Variants in HDAC7 observed in about 807,000 individuals in gnomAD.
The protein encoded by HDAC7 is histone deacetylase 7.
In HDAC7, 26 loss-of-function variants were observed where a neutral mutation model predicts 115.5. The ratio of observed to expected loss-of-function variants is 0.23; its 90% CI spans 0.16 to 0.31. The LOEUF is 0.31. Among genes scored for constraint, HDAC7 ranks in the 10% least tolerant of loss-of-function variants. The pLI is 1.00. For synonymous variants in HDAC7, 564 were observed against 550.9 expected (o/e 1.02, Z -0.33); for missense variants, 1,068 against 1,329.0 (o/e 0.80, Z 3.05).
At position 47,798,918 on chromosome 12, in the gene HDAC7, A is replaced by G; in HGVS notation, c.125T>C (p.Leu42Pro). 1 of 1,533,054 alleles carries G rather than the reference A, an allele frequency of 6.5e-7. No individual in the cohort carries two copies. The allele number at this position is 1,533,054 out of a possible 1,614,324, so 95.0% of individuals were successfully genotyped here. A position where few individuals can be genotyped will look rare whatever the true frequency, so the allele number is the denominator to read the frequency against. The change falls in exon 3 of 26, where the codon CTG (leucine) becomes CCG (proline). Residue 42 changes from leucine (L) to proline (P), a missense_variant. Transcript: ENST00000080059. This position sits in a 1 kb window ranked among gnomAD's most constrained non-coding sequence, Gnocchi z 4.3. ...TPGPQPQPMD[L>P]RVGQRPPVEP... is the part of the protein sequence containing the mutation. ...CACTGGGGGCCGCTGGCCCACCCGC[A>G]GGTCCATGGGCTGCGGCTGAGGGCC...
intron 21 of HDAC7, 142 bp from the exon 22 acceptor site, chr12:47,786,845 C>A (rs1592629596): frequency 1.5e-6 from 1 of 655,504 alleles, no homozygotes; most frequent in East Asian, 2.8e-5. Context: ...TCTCTGACCT[C>A]CTTGACCTTG....
At chr12:47,789,710 C>G (rs1228696360) in intron 17 of HDAC7, 103 bp downstream of exon 17, 1 of 1,374,014 alleles carries the variant, frequency 7.3e-7, no homozygotes, top group Non-Finnish European at 1.0e-6. Flanking sequence ...CTGTAGCAAT[C>G]TCTAAGAGGA....
intron 14 of HDAC7, 45 bp downstream of exon 14, chr12:47,791,826 C>G (rs1173957902): frequency 1.1e-6 from 1 of 902,160 alleles, no homozygotes; most frequent in Non-Finnish European, 1.7e-6. Flanking sequence ...CCTCCCATGA[C>G]TCCTCCCTCC....
intron 2 of HDAC7, 122 bp from the exon 3 acceptor site, chr12:47,799,094 G>T (rs1944036270): frequency 4.6e-6 from 3 of 657,360 alleles, no homozygotes; most frequent in Non-Finnish European, 5.1e-6. Context: ...TCTCATGGGG[G>T]TTTTTCCTCA....
intron 1 of HDAC7, chr12:47,819,164 G>T (rs4760624): frequency 0.12 from 19,027 of 152,376 alleles, 1,905 homozygotes; most frequent in East Asian, 0.51. Flanking sequence ...GCAAGGATGG[G>T]GGGCAATGCT....
intron 16 of HDAC7, chr12:47,790,824 ACACCGGAAG>A (rs1373640022): frequency 8.6e-6 from 2 of 232,896 alleles, no homozygotes; most frequent in Non-Finnish European, 8.6e-6. Context: ...ATCGCCAAGG[ACACCGGAAG>A]CACCACCGTG....
chr12:47,793,677 C>T lies in HDAC7; in HGVS notation c.1459-89G>A. 2.0e-6 allele frequency: 2 copies of T among 1,018,272 alleles called. No homozygotes were observed. Among genetic ancestry groups the T allele is most frequent in the South Asian group, 1.7e-5 (1 of 59,102 alleles). The allele number at this position is 1,018,272 out of a possible 1,614,324, so 63.1% of individuals were successfully genotyped here. ...GAGGTCTTGGGAACTGCCAAGCAGGCCCCTTTCCTAGAGAGATTCCAGGAT... is the reference window on the plus strand; with the variant it reads ...GAGGTCTTGGGAACTGCCAAGCAGGTCCCTTTCCTAGAGAGATTCCAGGAT... On this transcript the variant is annotated intron_variant, in intron 12 of 25. Transcript: ENST00000080059. This position sits in a 1 kb window ranked among gnomAD's most constrained non-coding sequence, Gnocchi z 4.5.
In HDAC7 at chr12:47,795,936, T is replaced by C. The variant is rs750863399; in HGVS notation, c.876A>G (p.Ala292=). Reference sequence around the variant, plus strand: ...CAGGGGCGGGCAGCCCCAGAGTGATTGCGGGCAGCAAGGACACTGTCGGCA... The same window carrying C: ...CAGGGGCGGGCAGCCCCAGAGTGATCGCGGGCAGCAAGGACACTGTCGGCA... The part of the protein sequence containing the change: ...FALPTVSLLP[A]ITLGLPAPAR... Residue 292 remains alanine (A), a synonymous_variant, in exon 9 of 26, where the codon GCA becomes GCG. Transcript: ENST00000080059. This position sits in a 1 kb window ranked among gnomAD's most constrained non-coding sequence, Gnocchi z 4.3. 1 of 1,550,966 alleles carries C rather than the reference T, an allele frequency of 6.4e-7. No homozygotes were observed. Among genetic ancestry groups the C allele is most frequent in the South Asian group, 1.2e-5 (1 of 84,152 alleles).
rs190773506 is a variant in HDAC7 at position 47,784,991 on chromosome 12, T to G, written c.2791+396A>C. 1.3e-3 allele frequency: 743 copies of G among 592,114 alleles called. 10 individuals are homozygous for G. The East Asian group carries it at 0.021, about 16-fold the overall frequency. 36.7% of individuals were successfully genotyped at this position (592,114 alleles called of 1,614,324 possible). A position where few individuals can be genotyped will look rare whatever the true frequency, so the allele number is the denominator to read the frequency against. On this transcript the variant is annotated intron_variant, in intron 24 of 25. Transcript: ENST00000080059. ...AAGTACTTTACAAATGTGGGGGTTA[T>G]CCCAAGACGCAGCCCCCAAGCCAGC...
Position 47,797,327 on chromosome 12 carries a change from G to T in HDAC7, c.577+57C>A. ...CCACCCCTGCACACTCCTCCCCCATGTCCGAGGCCCTTCCCCCTTCCTTTG... is the reference window on the plus strand; with the variant it reads ...CCACCCCTGCACACTCCTCCCCCATTTCCGAGGCCCTTCCCCCTTCCTTTG... On this transcript the variant is annotated intron_variant, in intron 6 of 25. Transcript: ENST00000080059. This position sits in a 1 kb window ranked among gnomAD's most constrained non-coding sequence, Gnocchi z 5.5. The T allele has an allele frequency of 7.5e-7, 1 of 1,329,882 alleles. No individual in the cohort carries two copies. Among genetic ancestry groups the T allele is most frequent in the Non-Finnish European group, 1.1e-6 (1 of 939,976 alleles). The allele number at this position is 1,329,882 out of a possible 1,614,324, so 82.4% of individuals were successfully genotyped here. A position where few individuals can be genotyped will look rare whatever the true frequency, so the allele number is the denominator to read the frequency against.
At position 47,805,880 on chromosome 12, in the gene HDAC7, G is replaced by A. The variant is rs536781674; in HGVS notation, c.20-3606C>T. Among the ~76,000 whole-genome samples the A allele has an allele frequency of 6.6e-5, 10 of 152,334 alleles. 1 individual carries two copies. In the South Asian group the frequency reaches 2.1e-3, roughly 32 times the overall value. On this transcript the variant is annotated intron_variant, in intron 1 of 25. Coordinates refer to ENST00000080059, the MANE Select transcript of HDAC7 (RefSeq NM_015401.5). ...ACTTCCCTGGGAAGTCACTGATCTA[G>A]GGGTTGAAAAGATGGAAATATGAGT...
rs1943660401 is a variant in HDAC7 at position 47,793,793 on chromosome 12, C to G, written c.1459-205G>C. On this transcript the variant is annotated intron_variant, in intron 12 of 25. Transcript: ENST00000080059. The surrounding 1 kb of genome is among the most constrained non-coding windows in gnomAD (Gnocchi z 4.5). ...CCCCCTGACAGGTTTGCACCCCAGA[C>G]TGACCACCCATTCCACCAGCTCCCC... 6.6e-6 allele frequency among the ~76,000 whole-genome samples: 1 copy of G among 152,206 alleles called. No individual in the cohort carries two copies. The highest frequency in any genetic ancestry group is 6.5e-5 in the Admixed American group (1 of 15,278).
intron 12 of HDAC7, 51 bp downstream of exon 12, chr12:47,794,709 C>A: frequency 2.7e-6 from 4 of 1,491,964 alleles, no homozygotes; most frequent in Non-Finnish European, 3.6e-6. Context: ...TATGCCAGGC[C>A]CCAGAGTCTT....
chr12:47,788,906 T>C (rs557096868), intron 19 of HDAC7: 1 of 218,496 alleles, frequency 4.6e-6, no homozygotes, highest in South Asian at 1.0e-4. Context: ...CTGGATGTGA[T>C]TAGTGGTGTA....
Position 47,798,461 on chromosome 12 carries a change from G to A in HDAC7, c.349+101C>T. On this transcript the variant is annotated intron_variant, in intron 4 of 25. Coordinates refer to ENST00000080059, the MANE Select transcript of HDAC7 (RefSeq NM_015401.5). This position sits in a 1 kb window ranked among gnomAD's most constrained non-coding sequence, Gnocchi z 4.3. ...GAGGGAAAGCCTCGGCTCAGGCCCA[G>A]CTGGCTGCGGCCCTCCCACCTCACC... is the stretch of plus-strand genomic sequence containing the variant. 1 of 1,068,380 alleles carries A rather than the reference G, an allele frequency of 9.4e-7. No individual in the cohort carries two copies. Among genetic ancestry groups the A allele is most frequent in the South Asian group, 1.3e-5 (1 of 76,484 alleles). 66.2% of individuals were successfully genotyped at this position (1,068,380 alleles called of 1,614,324 possible). A position where few individuals can be genotyped will look rare whatever the true frequency, so the allele number is the denominator to read the frequency against.
chr12:47,810,866 C>CTCTCTCTG (rs1944633616), intron 1 of HDAC7, among the ~76,000 whole-genome samples: 1 of 151,482 alleles, frequency 6.6e-6, no homozygotes. Context: ...CTCTGTCTCT[C>CTCTCTCTG]ACTCACGGGC....
chr12:47,816,831 G>A (rs1048225729), intron 1 of HDAC7, among the ~76,000 whole-genome samples: 1 of 152,092 alleles, frequency 6.6e-6, no homozygotes, highest in Non-Finnish European at 1.5e-5. Flanking sequence ...AGTTGCTCAG[G>A]GCCCTTCCGG....
At position 47,789,145 on chromosome 12, in the gene HDAC7, CTG is replaced by C. The variant is rs1943335485; in HGVS notation, c.2235+114_2235+115del. The C allele has an allele frequency of 8.6e-6, 7 of 816,158 alleles. No individual in the cohort carries two copies. In the East Asian group the frequency reaches 1.5e-4, roughly 17 times the overall value. 50.6% of individuals were successfully genotyped at this position (816,158 alleles called of 1,614,324 possible). A position where few individuals can be genotyped will look rare whatever the true frequency, so the allele number is the denominator to read the frequency against. ...CACCCAAATTTTACACAAGGGGAAA[CTG>C]AGGCTCAGAGAGGCTACTGCAGAAC... On this transcript the variant is annotated intron_variant, in intron 19 of 25. Coordinates refer to ENST00000080059, the MANE Select transcript of HDAC7 (RefSeq NM_015401.5).
At chr12:47,791,409 G>T (rs56047798) in intron 15 of HDAC7, 101 bp from the exon 16 acceptor site, 114,932 of 1,393,038 alleles carry the variant, frequency 0.083, 5,255 homozygotes, top group Non-Finnish European at 0.092. Context: ...AGTATTGGGG[G>T]AGAGAAATAT....
Sources: allele counts gnomAD v4.1 joint callset (sites outside exome capture counted in the v4.1 genomes callset), GRCh38; gene constraint gnomAD v4.1.1; non-coding constraint Gnocchi (gnomAD v3.1); transcripts MANE v1.5; gene names NCBI Gene and HGNC (gene_info 2026-07-23, HGNC 2026-07-21).